The following CDH8 variants were observed in gnomAD, a reference collection of about 807,000 sequenced individuals.
CDH8 encodes cadherin 8.
In CDH8, 17 loss-of-function variants were observed where a neutral mutation model predicts 68.1. The ratio of observed to expected loss-of-function variants is 0.25; its 90% CI spans 0.17 to 0.37. CDH8 has a LOEUF of 0.37. Among genes scored for constraint, CDH8 ranks in the 10% least tolerant of loss-of-function variants. The pLI is 1.00. For synonymous variants in CDH8, 372 were observed against 365.1 expected (o/e 1.02, Z -0.21); for missense variants, 763 against 999.3 (o/e 0.76, Z 3.19).
chr16:61,895,869 C>G (rs1045033568), intron 3 of CDH8, among the ~76,000 whole-genome samples: 4 of 152,024 alleles, frequency 2.6e-5, no homozygotes, highest in African/African-American at 9.7e-5. Flanking sequence ...TGAATTCCTC[C>G]AAACACACTT....
At chr16:61,723,555 C>CTATCATT (rs1959255513) in intron 9 of CDH8, among the ~76,000 whole-genome samples, 1 of 150,750 alleles carries the variant, frequency 6.6e-6, no homozygotes, top group Admixed American at 6.6e-5. Context: ...TTCTGCAATT[C>CTATCATT]TATCATTTAC....
intron 2 of CDH8, among the ~76,000 whole-genome samples, chr16:61,943,372 G>A (rs1964754155): frequency 6.6e-6 from 1 of 152,170 alleles, no homozygotes; most frequent in African/African-American, 2.4e-5. Context: ...CAAACAAGGT[G>A]GTAGTAAAAT....
At chr16:61,917,809 A>C (rs367753526) in intron 2 of CDH8, among the ~76,000 whole-genome samples, 4 of 152,154 alleles carry the variant, frequency 2.6e-5, no homozygotes, top group African/African-American at 9.6e-5. Context: ...TGGTGACAAG[A>C]TCTTCCCTAC....
chr16:62,032,628 C>T lies in CDH8; in HGVS notation c.-200+3452G>A, dbSNP rs145596412. On this transcript the variant is annotated intron_variant, in intron 1 of 11. Coordinates refer to ENST00000577390, the MANE Select transcript of CDH8 (RefSeq NM_001796.5). ...CAGAATATTTTCAAAAAGAAGTCTT[C>T]GGACCTTAAATTGCACCTCTAATAG... is the stretch of plus-strand genomic sequence containing the variant. Among the ~76,000 whole-genome samples the T allele has an allele frequency of 2.2e-4, 33 of 152,300 alleles. No individual in the cohort carries two copies. The East Asian group carries it at 4.3e-3, about 20-fold the overall frequency.
chr16:61,967,582 A>C (rs1481310051), intron 2 of CDH8, among the ~76,000 whole-genome samples: 3 of 152,234 alleles, frequency 2.0e-5, no homozygotes, highest in Non-Finnish European at 2.9e-5. Flanking sequence ...TTTCATGTAC[A>C]TCATATACAT....
intron 8 of CDH8, among the ~76,000 whole-genome samples, chr16:61,741,217 A>C (rs143224379): frequency 6.6e-6 from 1 of 152,158 alleles, no homozygotes; most frequent in East Asian, 1.9e-4. Flanking sequence ...TACCTGTTCA[A>C]ATTTTCCTTT....
chr16:61,779,462 TGTGCGC>T lies in CDH8; in HGVS notation c.1414+9878_1414+9883del, dbSNP rs1177388978. 3.3e-3 allele frequency among the ~76,000 whole-genome samples: 444 copies of T among 136,284 alleles called. 7 individuals are homozygous for T. The East Asian group carries it at 0.066, about 20-fold the overall frequency. The allele number at this position is 136,284 out of a possible 152,430, so 89.4% of individuals were successfully genotyped here. On this transcript the variant is annotated intron_variant, in intron 8 of 11. Transcript: ENST00000577390. Reference sequence around the variant, plus strand: ...GTGTGTGTGTGTGTGTGTGTGTGTGTGTGCGCGCATGGTGAGGGAAACAAGGAAGAA... The same window carrying T: ...GTGTGTGTGTGTGTGTGTGTGTGTGTGCATGGTGAGGGAAACAAGGAAGAA...
At chr16:62,002,172 T>C (rs1597119080) in intron 2 of CDH8, among the ~76,000 whole-genome samples, 1 of 152,308 alleles carries the variant, frequency 6.6e-6, no homozygotes, top group African/African-American at 2.4e-5. Flanking sequence ...GAAAAACAAG[T>C]TAATCAATTG....
chr16:61,731,637 T>C (rs1242592224), intron 8 of CDH8, among the ~76,000 whole-genome samples: 1 of 151,780 alleles, frequency 6.6e-6, no homozygotes, highest in African/African-American at 2.4e-5. Context: ...AAGTGAGTAA[T>C]AATTCCAAAC....
intron 4 of CDH8, among the ~76,000 whole-genome samples, chr16:61,832,374 AG>A (rs1567491253): frequency 6.6e-6 from 1 of 151,672 alleles, no homozygotes; most frequent in Non-Finnish European, 1.5e-5. Flanking sequence ...ATAGATAGAT[AG>A]ATAGATACAT....
chr16:61,763,938 G>A (rs189951628), intron 8 of CDH8, among the ~76,000 whole-genome samples: 7 of 152,168 alleles, frequency 4.6e-5, no homozygotes, highest in East Asian at 3.9e-4. Context: ...GTTAACAATC[G>A]CAACTAATGT....
intron 8 of CDH8, among the ~76,000 whole-genome samples, chr16:61,737,066 C>T (rs1221006985): frequency 6.6e-6 from 1 of 152,058 alleles, no homozygotes; most frequent in Non-Finnish European, 1.5e-5. Flanking sequence ...GTAGTGACTT[C>T]CTATCACCTC....
intron 8 of CDH8, among the ~76,000 whole-genome samples, chr16:61,755,940 C>T (rs1960304475): frequency 6.6e-6 from 1 of 152,028 alleles, no homozygotes; most frequent in South Asian, 2.1e-4. Context: ...TGTGCCTCAG[C>T]CTCCAGAGTA....
At position 61,665,793 on chromosome 16, in the gene CDH8, TTCC is replaced by T. The variant is rs1485387429; in HGVS notation, c.1655-10075_1655-10073del. ...CTTCCTTCCTTCCTTCCTTCCTTCC[TTCC>T]TTCCTTCCTTTCCCTCCTTCCTTCC... On this transcript the variant is annotated intron_variant, in intron 10 of 11. Coordinates refer to ENST00000577390, the MANE Select transcript of CDH8 (RefSeq NM_001796.5). Among the ~76,000 whole-genome samples the T allele has an allele frequency of 9.2e-3, 1,107 of 120,314 alleles. 13 individuals carry two copies. Among genetic ancestry groups the T allele is most frequent in the African/African-American group, 0.027 (857 of 32,038 alleles). The allele number at this position is 120,314 out of a possible 152,430, so 78.9% of individuals were successfully genotyped here. A position where few individuals can be genotyped will look rare whatever the true frequency, so the allele number is the denominator to read the frequency against.
In CDH8 at chr16:61,754,996, C is replaced by G. The variant is rs899271260; in HGVS notation, c.1415-27781G>C. Among the ~76,000 whole-genome samples the G allele has an allele frequency of 6.6e-5, 10 of 152,132 alleles. No individual in the cohort carries two copies. The South Asian group carries it at 1.2e-3, about 19-fold the overall frequency. ...TCCATGTGTACCCAATGTTTAGCTC[C>G]CACTTACAAGTCAGAACATGCAGTA... On this transcript the variant is annotated intron_variant, in intron 8 of 11. Coordinates refer to ENST00000577390, the MANE Select transcript of CDH8 (RefSeq NM_001796.5).
At chr16:61,666,545 A>G (rs1035529346) in intron 10 of CDH8, among the ~76,000 whole-genome samples, 3 of 152,024 alleles carry the variant, frequency 2.0e-5, no homozygotes, top group African/African-American at 7.2e-5. Context: ...GATGCAAACA[A>G]GAAGAAAAAG....
At chr16:61,952,102 T>C (rs1964907623) in intron 2 of CDH8, among the ~76,000 whole-genome samples, 1 of 152,202 alleles carries the variant, frequency 6.6e-6, no homozygotes, top group Non-Finnish European at 1.5e-5. Flanking sequence ...ACTAATTGTC[T>C]GTTAAAACGT....
chr16:61,901,068 A>C, intron 3 of CDH8, 111 bp downstream of exon 3: 1 of 989,720 alleles, frequency 1.0e-6, no homozygotes, highest in Non-Finnish European at 1.5e-6. Flanking sequence ...AATGCAAATT[A>C]GAGATAAGGT....
rs1390543080 is a variant in CDH8, at chr16:61,788,090, A to AT, written c.1414+1255_1414+1256insA. ...GTACCCTAAAACTTAAAGTATAATA[A>AT]AAAAAAAAAAAAGAAACAAACATTC... On this transcript the variant is annotated intron_variant, in intron 8 of 11. Coordinates refer to ENST00000577390, the MANE Select transcript of CDH8 (RefSeq NM_001796.5). Among the ~76,000 whole-genome samples, 4 of 130,814 alleles carry AT rather than the reference A, an allele frequency of 3.1e-5. No individual in the cohort carries two copies. The East Asian group carries it at 1.0e-3, about 34-fold the overall frequency. 85.8% of individuals were successfully genotyped at this position (130,814 alleles called of 152,430 possible).
Sources: allele counts gnomAD v4.1 joint callset (sites outside exome capture counted in the v4.1 genomes callset), GRCh38; gene constraint gnomAD v4.1.1; transcripts MANE v1.5; gene names NCBI Gene and HGNC (gene_info 2026-07-23, HGNC 2026-07-21).